The following NBEA variants were observed in gnomAD, a reference collection of about 807,000 sequenced individuals.
NBEA encodes the protein lysosomal-trafficking regulator 2.
NBEA carries 44 observed loss-of-function variants against 343.4 expected under a neutral mutation model. The observed-to-expected ratio is 0.13, with a 90% confidence interval of 0.10 to 0.16. NBEA has a LOEUF of 0.16. Ranked by LOEUF, NBEA falls within the 10% of genes least tolerant of loss-of-function variation. NBEA has a pLI of 1.00. For synonymous variants in NBEA, 1,175 were observed against 1,238.7 expected (o/e 0.95, Z 1.08); for missense variants, 2,555 against 3,631.3 (o/e 0.70, Z 7.62).
chr13:35,226,828 T>C (rs1234001445), intron 33 of NBEA, among the ~76,000 whole-genome samples: 1 of 152,168 alleles, frequency 6.6e-6, no homozygotes, highest in Admixed American at 6.6e-5. Context: ...TCTGAATTCC[T>C]GGGCTCAAGT....
At chr13:35,013,208 A>G (rs993305970) in intron 1 of NBEA, among the ~76,000 whole-genome samples, 1 of 152,172 alleles carries the variant, frequency 6.6e-6, no homozygotes, top group Non-Finnish European at 1.5e-5. Context: ...AACAAGACCA[A>G]TGTGGAACTT....
intron 45 of NBEA, among the ~76,000 whole-genome samples, chr13:35,580,281 G>A (rs1045790113): frequency 1.3e-5 from 2 of 152,050 alleles, no homozygotes; most frequent in African/African-American, 2.4e-5. Context: ...TAAAAAGTGC[G>A]GAAGTCACTG....
At chr13:35,088,147 A>G (rs897044600) in intron 10 of NBEA, among the ~76,000 whole-genome samples, 2 of 151,924 alleles carry the variant, frequency 1.3e-5, no homozygotes, top group African/African-American at 2.4e-5. Flanking sequence ...AGCCATAGCT[A>G]CTGAATGCAA....
chr13:35,473,834 C>T (rs934925617), intron 41 of NBEA, among the ~76,000 whole-genome samples: 5 of 152,096 alleles, frequency 3.3e-5, no homozygotes, highest in African/African-American at 7.2e-5. Context: ...ACATAATTTT[C>T]GAAGTTTCAT....
chr13:35,381,798 A>G (rs2042024486), intron 38 of NBEA, among the ~76,000 whole-genome samples: 1 of 152,134 alleles, frequency 6.6e-6, no homozygotes, highest in African/African-American at 2.4e-5. Context: ...AATAAAAAGA[A>G]GGTAATCACC....
chr13:35,038,301 C>T (rs963260948), intron 1 of NBEA, among the ~76,000 whole-genome samples: 17 of 152,078 alleles, frequency 1.1e-4, no homozygotes, highest in African/African-American at 3.6e-4. Flanking sequence ...TCTAGAAATG[C>T]TGTCCAATAG....
intron 48 of NBEA, among the ~76,000 whole-genome samples, chr13:35,610,349 C>T (rs4097292): frequency 0.032 from 4,821 of 151,984 alleles, 280 homozygotes; most frequent in African/African-American, 0.11. Context: ...GCCGAGATTG[C>T]GCTACTGCAC....
In NBEA at chr13:35,045,259, T is replaced by C. The variant is rs1241982554; in HGVS notation, c.628-47T>C. The C allele has an allele frequency of 6.1e-6, 9 of 1,483,840 alleles. No individual in the cohort carries two copies. The Admixed American group carries it at 1.5e-4, about 25-fold the overall frequency. The allele number at this position is 1,483,840 out of a possible 1,614,324, so 91.9% of individuals were successfully genotyped here. A position where few individuals can be genotyped will look rare whatever the true frequency, so the allele number is the denominator to read the frequency against. ...GGGTAACATGGTATATTAAGTATGA[T>C]TGCTAAATTTGTACAATGACATTTC... On this transcript the variant is annotated intron_variant, in intron 3 of 58. Coordinates refer to ENST00000379939, the MANE Select transcript of NBEA (RefSeq NM_001385012.1).
At chr13:35,435,242 AC>A (rs1435788627) in intron 39 of NBEA, among the ~76,000 whole-genome samples, 1 of 152,018 alleles carries the variant, frequency 6.6e-6, no homozygotes, top group East Asian at 1.9e-4. Context: ...CGAACTCCTG[AC>A]CTCAGGTGAT....
At chr13:35,498,175 A>G (rs183898213) in intron 41 of NBEA, among the ~76,000 whole-genome samples, 13 of 152,166 alleles carry the variant, frequency 8.5e-5, no homozygotes, top group African/African-American at 3.1e-4. Flanking sequence ...CTGTTTATGT[A>G]TAGGTTAAAT....
intron 34 of NBEA, among the ~76,000 whole-genome samples, chr13:35,286,325 A>C (rs2152815217): frequency 6.6e-6 from 1 of 152,292 alleles, no homozygotes; most frequent in South Asian, 2.1e-4. Flanking sequence ...GATGATTTAT[A>C]GATTTATTGA....
chr13:35,536,330 T>A (rs1042664001), intron 41 of NBEA, among the ~76,000 whole-genome samples: 4 of 152,236 alleles, frequency 2.6e-5, no homozygotes, highest in Non-Finnish European at 5.9e-5. Context: ...AGTAAGTTTT[T>A]AATATATCAT....
At chr13:35,485,049 A>C (rs1298193061) in intron 41 of NBEA, among the ~76,000 whole-genome samples, 1 of 152,134 alleles carries the variant, frequency 6.6e-6, no homozygotes, top group African/African-American at 2.4e-5. Context: ...TCATAGTAGC[A>C]CCCATTTGGT....
At chr13:35,459,181 C>A (rs1202935755) in intron 40 of NBEA, among the ~76,000 whole-genome samples, 2 of 152,078 alleles carry the variant, frequency 1.3e-5, no homozygotes, top group African/African-American at 4.8e-5. Flanking sequence ...CATGACACTT[C>A]CCAGTTGTAC....
At chr13:35,270,504 C>G (rs538016563) in intron 34 of NBEA, among the ~76,000 whole-genome samples, 2 of 152,182 alleles carry the variant, frequency 1.3e-5, no homozygotes, top group Non-Finnish European at 2.9e-5. Flanking sequence ...CCATGGAGGG[C>G]GAGCTGAACC....
chr13:34,943,245 C>A, intron 1 of NBEA, 131 bp downstream of exon 1: 1 of 1,233,360 alleles, frequency 8.1e-7, no homozygotes, highest in Non-Finnish European at 1.1e-6. Context: ...AGCGTTCAGC[C>A]GGTATTGCCC....
intron 42 of NBEA, 108 bp from the exon 43 acceptor site, chr13:35,550,822 A>C: frequency 1.4e-6 from 1 of 712,154 alleles, no homozygotes; most frequent in East Asian, 2.7e-5. Flanking sequence ...ATGAAGATTC[A>C]TTAGCTTTAC....
intron 45 of NBEA, among the ~76,000 whole-genome samples, chr13:35,579,519 C>T (rs955814312): frequency 7.2e-5 from 11 of 151,948 alleles, no homozygotes; most frequent in Admixed American, 5.9e-4. Context: ...AAAGAGGAAA[C>T]AGCAAAATGA....
At position 35,315,678 on chromosome 13, in the gene NBEA, G is replaced by A. The variant is rs1462923472; in HGVS notation, c.5903+6086G>A. On this transcript the variant is annotated intron_variant, in intron 36 of 58. Transcript: ENST00000379939. ...TGTTTAGCACTGAATTTAAGCTAGAGCTCTCAAGATTCTGATTTTTTGTTT... is the reference window on the plus strand; with the variant it reads ...TGTTTAGCACTGAATTTAAGCTAGAACTCTCAAGATTCTGATTTTTTGTTT... Among the ~76,000 whole-genome samples the A allele has an allele frequency of 2.0e-5, 3 of 152,194 alleles. 1 individual carries two copies. The highest frequency in any genetic ancestry group is 7.2e-5 in the African/African-American group (3 of 41,552).
Sources: gnomAD v4.1 joint callset for allele counts (sites outside exome capture counted in the v4.1 genomes callset) on GRCh38, gnomAD v4.1.1 for gene constraint, MANE v1.5 for transcripts, NCBI Gene and HGNC (gene_info 2026-07-23, HGNC 2026-07-21) for gene names.